Variants in FAM161A observed in about 807,000 individuals in gnomAD.
FAM161A encodes the protein FAM161 centrosomal protein A, also known as protein FAM161A.
Under a neutral mutation model 70.9 loss-of-function variants are expected in FAM161A, and 57 were observed. The ratio of observed to expected loss-of-function variants is 0.80; its 90% CI spans 0.65 to 1.00. The LOEUF is 1.00. Ranked by LOEUF, FAM161A falls within the 50% of genes least tolerant of loss-of-function variation. The probability of loss-of-function intolerance (pLI) is 0.00; values close to 1 mark genes in which losing one functional copy is unlikely to be tolerated. For missense variants in FAM161A, 880 were observed against 836.0 expected, an observed-to-expected ratio of 1.05 and a Z score of -0.65; for synonymous variants, 299 against 295.7, an observed-to-expected ratio of 1.01 and a Z score of -0.12.
chr2:61,832,675 A>T (rs1036956174), intron 5 of FAM161A, among the ~76,000 whole-genome samples: 2 of 152,168 alleles, frequency 1.3e-5, no homozygotes, highest in Admixed American at 1.3e-4. Flanking sequence ...TGCCTCCTAC[A>T]GCGTTAGATT....
chr2:61,826,024 G>C lies in FAM161A; in HGVS notation c.*431C>G, dbSNP rs2105057777. ...AAATGCACTGCAGAGAAAAAGAATG[G>C]GCAAATAGTATAATTAAAAATAGTT... On this transcript the variant is annotated 3_prime_UTR_variant, in exon 7 of 7. Transcript: ENST00000404929. 2.2e-6 allele frequency: 1 copy of C among 454,614 alleles called. No individual in the cohort carries two copies. Among genetic ancestry groups the C allele is most frequent in the East Asian group, 6.9e-5 (1 of 14,550 alleles). The allele number at this position is 454,614 out of a possible 1,614,324, so 28.2% of individuals were successfully genotyped here. A position where few individuals can be genotyped will look rare whatever the true frequency, so the allele number is the denominator to read the frequency against.
chr2:61,847,889 T>A (rs1673287386), intron 1 of FAM161A, among the ~76,000 whole-genome samples: 2 of 151,958 alleles, frequency 1.3e-5, no homozygotes, highest in African/African-American at 4.8e-5. Flanking sequence ...ATTTACTGAA[T>A]GAATGAATGA....
intron 1 of FAM161A, among the ~76,000 whole-genome samples, chr2:61,849,970 GGGGAGGGAGGGA>G (rs747841140): frequency 2.0e-5 from 3 of 151,654 alleles, no homozygotes; most frequent in East Asian, 1.9e-4. Flanking sequence ...ACCACCAGGT[GGGGAGGGAGGGA>G]GGGAGGGAGG....
chr2:61,852,913 G>T lies in FAM161A; in HGVS notation c.183+946C>A, dbSNP rs140327521. 3.3e-3 allele frequency among the ~76,000 whole-genome samples: 484 copies of T among 148,554 alleles called. 3 individuals are homozygous for T. The highest frequency in any genetic ancestry group is 7.0e-3 in the Middle Eastern group (2 of 284). ...AGGAAATTTTTTCTATCTGCAGATT[G>T]CTAGTTTAAATTCAAGATTCCCATC... On this transcript the variant is annotated intron_variant, in intron 1 of 6. Transcript: ENST00000404929.
At chr2:61,851,954 G>A (rs910333831) in intron 1 of FAM161A, among the ~76,000 whole-genome samples, 2 of 152,092 alleles carry the variant, frequency 1.3e-5, no homozygotes, top group African/African-American at 4.8e-5. Context: ...TAGATAATAA[G>A]GTTAAGGCAA....
At chr2:61,831,036 C>T (rs956796846) in intron 5 of FAM161A, among the ~76,000 whole-genome samples, 9 of 149,640 alleles carry the variant, frequency 6.0e-5, no homozygotes, top group Admixed American at 2.0e-4. Flanking sequence ...CACTTGAACC[C>T]GGGAGGCGGA....
intron 1 of FAM161A, among the ~76,000 whole-genome samples, chr2:61,848,644 C>T (rs1175979624): frequency 6.7e-6 from 1 of 150,226 alleles, no homozygotes; most frequent in Non-Finnish European, 1.5e-5. Context: ...ATTATTTGTG[C>T]TGCAGCCTAT....
chr2:61,832,262 A>ACC (rs1672609909), intron 5 of FAM161A, among the ~76,000 whole-genome samples: 1 of 140,560 alleles, frequency 7.1e-6, no homozygotes, highest in East Asian at 2.3e-4. Context: ...AAAAAAAACC[A>ACC]ACAACAACAA....
At chr2:61,807,994 G>A in the FAM161A span, among the ~76,000 whole-genome samples, 8 of 152,250 alleles carry the variant, frequency 5.3e-5, no homozygotes, top group South Asian at 1.7e-3. Flanking sequence ...AGACATTTGG[G>A]TATTCCAGAG....
In FAM161A at chr2:61,826,314, C is replaced by A. The variant is rs2105058315; in HGVS notation, c.*141G>T. 1.1e-6 allele frequency: 1 copy of A among 894,898 alleles called. No homozygotes were observed. Among genetic ancestry groups the A allele is most frequent in the Non-Finnish European group, 1.8e-6 (1 of 550,658 alleles). The allele number at this position is 894,898 out of a possible 1,614,324, so 55.4% of individuals were successfully genotyped here. A position where few individuals can be genotyped will look rare whatever the true frequency, so the allele number is the denominator to read the frequency against. ...AAATGACCAATCAGCTGGATTCAGG[C>A]TTTTCAGGCTACAGATGACTTTGAT... On this transcript the variant is annotated 3_prime_UTR_variant, in exon 7 of 7. Transcript: ENST00000404929.
chr2:61,846,103 A>G (rs1176519919), intron 1 of FAM161A, among the ~76,000 whole-genome samples: 1 of 151,496 alleles, frequency 6.6e-6, no homozygotes, highest in East Asian at 1.9e-4. Flanking sequence ...AAAAAAAAAA[A>G]AAAAAAAAAG....
At chr2:61,816,131 G>A in the FAM161A span, among the ~76,000 whole-genome samples, 3 of 152,060 alleles carry the variant, frequency 2.0e-5, no homozygotes, top group African/African-American at 7.2e-5. Context: ...GTGGCAGTGA[G>A]ACCTCCATTG....
At chr2:61,845,420 C>T (rs1340214178) in intron 1 of FAM161A, among the ~76,000 whole-genome samples, 1 of 152,124 alleles carries the variant, frequency 6.6e-6, no homozygotes, top group Non-Finnish European at 1.5e-5. Context: ...AACCAGGTGA[C>T]CAGTGACCAG....
Position 61,836,127 on chromosome 2 carries a change from C to T in FAM161A, c.1752-18G>A. 1 of 1,542,740 alleles carries T rather than the reference C, an allele frequency of 6.5e-7. No individual in the cohort carries two copies. The highest frequency in any genetic ancestry group is 8.9e-7 in the Non-Finnish European group (1 of 1,118,916). On this transcript the variant is annotated intron_variant, in intron 4 of 6. Coordinates refer to ENST00000404929, the MANE Select transcript of FAM161A (RefSeq NM_001201543.2). The stretch of plus-strand genomic sequence containing the variant: ...CGCTCTTTCTAAAATTAAAGAAAAG[C>T]AATGGAATTTTAAAAGATCATCTAA...
the FAM161A span, among the ~76,000 whole-genome samples, chr2:61,804,740 G>GT: frequency 8.2e-6 from 1 of 121,626 alleles, no homozygotes; most frequent in South Asian, 2.5e-4. Flanking sequence ...AGGAAAGAAA[G>GT]AAAGGAAAAG....
At chr2:61,837,688 G>A (rs1425628598) in intron 4 of FAM161A, among the ~76,000 whole-genome samples, 1 of 152,108 alleles carries the variant, frequency 6.6e-6, no homozygotes, top group Non-Finnish European at 1.5e-5. Flanking sequence ...AGAATCGCTT[G>A]AACTCGGGAT....
At chr2:61,842,532 C>T (rs1673056936) in intron 1 of FAM161A, among the ~76,000 whole-genome samples, 172 bp from the exon 2 acceptor site, 1 of 152,062 alleles carries the variant, frequency 6.6e-6, no homozygotes, top group South Asian at 2.1e-4. Context: ...GTACATTTTC[C>T]CCAGTGATAT....
chr2:61,816,459 GT>G, the FAM161A span, among the ~76,000 whole-genome samples: 1 of 151,804 alleles, frequency 6.6e-6, no homozygotes, highest in African/African-American at 2.4e-5. Flanking sequence ...AGGGTTTTTT[GT>G]TTGTTTGTTT....
rs1017012925 is a variant in FAM161A, at chr2:61,839,873, C to G, written c.1131G>C (p.Glu377Asp). ...GCTGTGTCCTAAGGTTTCGATAGAG[C>G]TCTTCTTCTTTTAACTTGTCATTGG... Reference protein sequence around the residue: ...STTNDKLKEEELYRNLRTQLR... With the variant: ...STTNDKLKEEDLYRNLRTQLR... The change falls in exon 3 of 7, where the codon GAG becomes GAC. Residue 377 changes from glutamate to aspartate, a missense_variant. By Grantham distance (45) the Glu-to-Asp change is conservative. Transcript: ENST00000404929. 1 of 1,614,092 alleles carries G rather than the reference C, an allele frequency of 6.2e-7. No individual in the cohort carries two copies. Among genetic ancestry groups the G allele is most frequent in the African/African-American group, 1.3e-5 (1 of 74,926 alleles).
Sources: gnomAD v4.1 joint callset for allele counts (sites outside exome capture counted in the v4.1 genomes callset) on GRCh38, gnomAD v4.1.1 for gene constraint, MANE v1.5 for transcripts, NCBI Gene and HGNC (gene_info 2026-07-23, HGNC 2026-07-21) for gene names.